The following ANKS6 variants were observed in gnomAD, a reference collection of about 807,000 sequenced individuals.
ANKS6 encodes the protein ankyrin repeat and sterile alpha motif domain containing 6.
ANKS6 carries 47 observed loss-of-function variants against 77.9 expected under a neutral mutation model. That is an observed-to-expected ratio of 0.60 (90% CI 0.48 to 0.77). The LOEUF is 0.77. ANKS6 is among the 30% of genes least tolerant of loss of function. The probability of loss-of-function intolerance (pLI) is 0.00; values close to 1 mark genes in which losing one functional copy is unlikely to be tolerated. For synonymous variants in ANKS6, 488 were observed against 501.7 expected (o/e 0.97, Z 0.37); for missense variants, 1,150 against 1,159.1 (o/e 0.99, Z 0.11).
chr9:98,779,427 T>C (rs527307998), intron 6 of ANKS6, among the ~76,000 whole-genome samples: 1 of 152,286 alleles, frequency 6.6e-6, no homozygotes, highest in East Asian at 1.9e-4. Flanking sequence ...AAGAGAAGTG[T>C]TTGCTTTGGC....
rs1438468565 is a variant in ANKS6 at position 98,735,465 on chromosome 9, T to C, written c.*1054A>G. On this transcript the variant is annotated 3_prime_UTR_variant, in exon 15 of 15. Transcript: ENST00000353234. ...CCCTCTAATTTAATAAAATATGATATGGTAGGAAACTACACAAGCCAATTC... is the reference window on the plus strand; with the variant it reads ...CCCTCTAATTTAATAAAATATGATACGGTAGGAAACTACACAAGCCAATTC... 8.2e-6 allele frequency: 10 copies of C among 1,217,290 alleles called. No individual in the cohort carries two copies. The highest frequency in any genetic ancestry group is 1.0e-5 in the Non-Finnish European group (10 of 979,806). The allele number at this position is 1,217,290 out of a possible 1,614,324, so 75.4% of individuals were successfully genotyped here.
chr9:98,794,577 T>G (rs567733398), intron 1 of ANKS6, among the ~76,000 whole-genome samples: 1 of 152,266 alleles, frequency 6.6e-6, no homozygotes, highest in South Asian at 2.1e-4. Flanking sequence ...TCACACCAAC[T>G]GAGGAACAGC....
Position 98,732,070 on chromosome 9 carries a change from AG to A in ANKS6, c.*4448del, listed in dbSNP as rs1475624858. The A allele has an allele frequency of 1.6e-5, 3 of 191,650 alleles. No homozygotes were observed. In the Admixed American group the frequency reaches 1.6e-4, roughly 10 times the overall value. The allele number at this position is 191,650 out of a possible 1,614,324, so 11.9% of individuals were successfully genotyped here. ...CATCAGGTCTCTTTACACGTTGAAC[AG>A]GAACTGCTGGTTAACAAGACACGAT... On this transcript the variant is annotated 3_prime_UTR_variant, in exon 15 of 15. Transcript: ENST00000353234.
intron 9 of ANKS6, among the ~76,000 whole-genome samples, chr9:98,772,537 T>A (rs754439163): frequency 1.7e-4 from 26 of 152,326 alleles, no homozygotes; most frequent in Non-Finnish European, 3.1e-4. Context: ...GTCCTCTTGT[T>A]GGTCCTCTAC....
At chr9:98,777,177 G>C (rs1833959888) in intron 8 of ANKS6, among the ~76,000 whole-genome samples, 1 of 152,170 alleles carries the variant, frequency 6.6e-6, no homozygotes, top group Non-Finnish European at 1.5e-5. Context: ...AACAGGGCCA[G>C]GGCTGACACC....
rs1014247423 is a variant in ANKS6 at position 98,796,527 on chromosome 9, C to A, written c.-36G>T. 8.2e-6 allele frequency: 8 copies of A among 980,170 alleles called. No homozygotes were observed. Among genetic ancestry groups the A allele is most frequent in the African/African-American group, 5.3e-5 (3 of 56,714 alleles). 60.7% of individuals were successfully genotyped at this position (980,170 alleles called of 1,614,324 possible). ...ACGCGCGGCCCGCTCCCGTCCGCCC[C>A]GCCGGCCGCGTCGGCTCCGCCCCCG... On this transcript the variant is annotated 5_prime_UTR_variant, in exon 1 of 15. Coordinates refer to ENST00000353234, the MANE Select transcript of ANKS6 (RefSeq NM_173551.5).
intron 14 of ANKS6, among the ~76,000 whole-genome samples, chr9:98,741,000 A>C (rs567100374): frequency 6.6e-6 from 1 of 152,344 alleles, no homozygotes; most frequent in East Asian, 1.9e-4. Context: ...CTCTTTCCGG[A>C]AAGTTATTCA....
chr9:98,745,026 C>T (rs1412871037), intron 14 of ANKS6, among the ~76,000 whole-genome samples: 1 of 151,854 alleles, frequency 6.6e-6, no homozygotes, highest in Non-Finnish European at 1.5e-5. Flanking sequence ...TTTGGGTGGG[C>T]GCGGGGTGAG....
chr9:98,783,927 G>A (rs1292357954), intron 4 of ANKS6, 26 bp downstream of exon 4: 5 of 1,517,576 alleles, frequency 3.3e-6, no homozygotes, highest in African/African-American at 1.4e-5. Context: ...TGGCCTTGTC[G>A]CTGAGGGCGT....
rs1281099713 is a variant in ANKS6 at position 98,733,744 on chromosome 9, G to A, written c.*2775C>T. ...GCATGCTGAAGGTTGTGAGAGGCCT[G>A]TAGCAAAGATGATCGTGTAGCTCGC... On this transcript the variant is annotated 3_prime_UTR_variant, in exon 15 of 15. Coordinates refer to ENST00000353234, the MANE Select transcript of ANKS6 (RefSeq NM_173551.5). 2.0e-6 allele frequency: 2 copies of A among 985,422 alleles called. No homozygotes were observed. The highest frequency in any genetic ancestry group is 1.7e-5 in the African/African-American group (1 of 57,260). 61.0% of individuals were successfully genotyped at this position (985,422 alleles called of 1,614,324 possible). A position where few individuals can be genotyped will look rare whatever the true frequency, so the allele number is the denominator to read the frequency against.
intron 11 of ANKS6, 103 bp downstream of exon 11, chr9:98,767,978 G>C (rs1454844404): frequency 2.1e-6 from 3 of 1,443,390 alleles, no homozygotes. Flanking sequence ...CCTGTCTTTA[G>C]TCCTGTCCCA....
chr9:98,768,797 C>T (rs1021826173), intron 10 of ANKS6, among the ~76,000 whole-genome samples: 20 of 152,322 alleles, frequency 1.3e-4, no homozygotes, highest in African/African-American at 4.3e-4. Flanking sequence ...CATTCTCCCT[C>T]ACCCTGCTTC....
At chr9:98,742,707 T>C (rs1831904757) in intron 14 of ANKS6, among the ~76,000 whole-genome samples, 1 of 152,054 alleles carries the variant, frequency 6.6e-6, no homozygotes, top group Non-Finnish European at 1.5e-5. Flanking sequence ...GCCTGGCATG[T>C]CACAGGCACC....
In ANKS6 at chr9:98,784,862, G is replaced by A. The variant is rs1333301505; in HGVS notation, c.877C>T (p.Arg293Ter). ...TTCAATGCATGGAAAATATCAGGTC[G>A]CCTTTTCTCCTCATCTGGGTAAACA... ...VRPKTDEEKR[R>*]PDIFHALKMG... Residue 293 changes from arginine (R) to a stop codon, truncating the protein, a stop_gained, in exon 3 of 15, where the codon CGA (arginine) becomes TGA (stop). Transcript: ENST00000353234. LOFTEE classifies it high-confidence loss of function. 1.9e-6 allele frequency: 3 copies of A among 1,613,276 alleles called. No individual in the cohort carries two copies. Among genetic ancestry groups the A allele is most frequent in the East Asian group, 2.2e-5 (1 of 44,878 alleles).
chr9:98,771,181 CAGGGCCCAGCTGGGGAGTCCCTG>C (rs1466837126), intron 9 of ANKS6, 135 bp from the exon 10 acceptor site: 2 of 1,078,456 alleles, frequency 1.9e-6, no homozygotes, highest in African/African-American at 3.3e-5. Flanking sequence ...ATGGCCCTGC[CAGGGCCCAGCTGGGGAGTCCCTG>C]AGGGATGGAG....
At chr9:98,760,109 T>C (rs1832931637) in intron 11 of ANKS6, among the ~76,000 whole-genome samples, 1 of 152,078 alleles carries the variant, frequency 6.6e-6, no homozygotes, top group South Asian at 2.1e-4. Flanking sequence ...AATTATTATG[T>C]GTCAATGAAA....
chr9:98,775,446 G>T (rs1833873555), intron 8 of ANKS6, among the ~76,000 whole-genome samples: 1 of 152,162 alleles, frequency 6.6e-6, no homozygotes, highest in African/African-American at 2.4e-5. Flanking sequence ...ATATGATGTG[G>T]CTACATGGTG....
Position 98,784,301 on chromosome 9 carries a change from C to T in ANKS6, c.908-144G>A, listed in dbSNP as rs559022093. The T allele has an allele frequency of 2.0e-3, 1,293 of 662,296 alleles. 7 individuals carry two copies. Among genetic ancestry groups the T allele is most frequent in the Middle Eastern group, 0.017 (44 of 2,612 alleles). The allele number at this position is 662,296 out of a possible 1,614,324, so 41.0% of individuals were successfully genotyped here. On this transcript the variant is annotated intron_variant, in intron 3 of 14. Coordinates refer to ENST00000353234, the MANE Select transcript of ANKS6 (RefSeq NM_173551.5). Reference sequence around the variant, plus strand: ...GGCATCATAGGGGATACTAAGAGGGCGTCAGAGATAGCCCCGACTCTTAAA... The same window carrying T: ...GGCATCATAGGGGATACTAAGAGGGTGTCAGAGATAGCCCCGACTCTTAAA...
Position 98,735,219 on chromosome 9 carries a change from C to T in ANKS6, c.*1300G>A, listed in dbSNP as rs337588. 28,373 of 986,214 alleles carry T rather than the reference C, an allele frequency of 0.029. 892 individuals are homozygous for T. The highest frequency in any genetic ancestry group is 0.26 in the East Asian group (2,292 of 8,830). 61.1% of individuals were successfully genotyped at this position (986,214 alleles called of 1,614,324 possible). A position where few individuals can be genotyped will look rare whatever the true frequency, so the allele number is the denominator to read the frequency against. ...CATTGAGCTTCATCTGAACTTTGAA[C>T]CTGAGTCCAGAGCACAAGGTCTGCC... On this transcript the variant is annotated 3_prime_UTR_variant, in exon 15 of 15. Coordinates refer to ENST00000353234, the MANE Select transcript of ANKS6 (RefSeq NM_173551.5).
Sources: allele counts gnomAD v4.1 joint callset (sites outside exome capture counted in the v4.1 genomes callset), GRCh38; gene constraint gnomAD v4.1.1; transcripts MANE v1.5; gene names NCBI Gene and HGNC (gene_info 2026-07-23, HGNC 2026-07-21).